Variants in STAG1 observed in about 807,000 individuals in gnomAD.
STAG1 encodes the protein STAG1 cohesin complex component.
In STAG1, 26 loss-of-function variants were observed where a neutral mutation model predicts 170.9. The observed-to-expected ratio is 0.15, with a 90% CI of 0.11 to 0.21. STAG1 has a LOEUF of 0.21. Ranked by LOEUF, STAG1 falls within the 10% of genes least tolerant of loss-of-function variation. The pLI is 1.00. For missense variants in STAG1, 964 were observed against 1,509.5 expected (o/e 0.64, Z 5.99); for synonymous variants, 514 against 497.7 (o/e 1.03, Z -0.44).
In STAG1 at chr3:136,363,482, A is replaced by G. The variant is rs533285816; in HGVS notation, c.2686-15T>C. ...TCATTGTAATACTGTGAGGGAAAGA[A>G]AGAAAACATGGCTTTAAAATTACTG... On this transcript the variant is annotated splice_polypyrimidine_tract_variant and intron_variant, in intron 25 of 33. Coordinates refer to ENST00000383202, the MANE Select transcript of STAG1 (RefSeq NM_005862.3). 6.6e-6 allele frequency: 8 copies of G among 1,209,224 alleles called. No homozygotes were observed. In the Admixed American group the frequency reaches 1.7e-4, roughly 26 times the overall value. 74.9% of individuals were successfully genotyped at this position (1,209,224 alleles called of 1,614,324 possible).
At chr3:136,595,617 T>C (rs1035205225) in intron 4 of STAG1, among the ~76,000 whole-genome samples, 1 of 151,202 alleles carries the variant, frequency 6.6e-6, no homozygotes, top group Non-Finnish European at 1.5e-5. Context: ...GTGGAGCTTG[T>C]AGTGAGCCGA....
At chr3:136,646,237 C>G (rs1941007307) in intron 1 of STAG1, among the ~76,000 whole-genome samples, 1 of 152,184 alleles carries the variant, frequency 6.6e-6, no homozygotes, top group Admixed American at 6.5e-5. Flanking sequence ...AATCCTCCTG[C>G]TTCCACCTCC....
At chr3:136,565,011 A>AGGCAGGC (rs1553746574) in intron 5 of STAG1, among the ~76,000 whole-genome samples, 5 of 45,424 alleles carry the variant, frequency 1.1e-4, no homozygotes, top group Non-Finnish European at 2.2e-4. Flanking sequence ...GGAAGGAAGG[A>AGGCAGGC]AGGCAGGCAG....
intron 4 of STAG1, among the ~76,000 whole-genome samples, chr3:136,603,244 T>C (rs1576655400): frequency 6.6e-6 from 1 of 151,874 alleles, no homozygotes; most frequent in Non-Finnish European, 1.5e-5. Context: ...CAGGCTGGAG[T>C]GCAGTGGCAC....
chr3:136,558,078 G>A (rs2107747456), intron 5 of STAG1, among the ~76,000 whole-genome samples: 1 of 152,234 alleles, frequency 6.6e-6, no homozygotes, highest in East Asian at 1.9e-4. Flanking sequence ...CATAACAAAG[G>A]AGATTAGTAT....
intron 1 of STAG1, among the ~76,000 whole-genome samples, chr3:136,740,726 C>T (rs1164538791): frequency 2.0e-5 from 3 of 152,130 alleles, no homozygotes; most frequent in Non-Finnish European, 2.9e-5. Context: ...AGTGATCGCC[C>T]GCCCCAGCCT....
chr3:136,731,460 G>A (rs1417907275), intron 1 of STAG1, among the ~76,000 whole-genome samples: 1 of 152,200 alleles, frequency 6.6e-6, no homozygotes, highest in African/African-American at 2.4e-5. Flanking sequence ...TCTTTAGGCA[G>A]GGTACCAATT....
At chr3:136,672,704 AACAC>A (rs970701891) in intron 1 of STAG1, among the ~76,000 whole-genome samples, 1 of 152,130 alleles carries the variant, frequency 6.6e-6, no homozygotes, top group Non-Finnish European at 1.5e-5. Flanking sequence ...TCCACCCCGC[AACAC>A]ACACACAGAG....
At chr3:136,565,259 A>G (rs971969543) in intron 5 of STAG1, among the ~76,000 whole-genome samples, 3 of 152,166 alleles carry the variant, frequency 2.0e-5, no homozygotes, top group African/African-American at 7.2e-5. Context: ...CAACCTAGAG[A>G]GCGGACAAAA....
intron 8 of STAG1, among the ~76,000 whole-genome samples, chr3:136,500,956 C>G (rs1933433291): frequency 6.6e-6 from 1 of 152,168 alleles, no homozygotes; most frequent in Admixed American, 6.6e-5. Context: ...GTGGTATCTA[C>G]TATTCTAATT....
intron 9 of STAG1, among the ~76,000 whole-genome samples, chr3:136,479,177 CCAA>C (rs2089852881): frequency 6.8e-6 from 1 of 146,822 alleles, no homozygotes; most frequent in Non-Finnish European, 1.5e-5. Context: ...GCTGCACCCA[CCAA>C]CGTGTCATCT....
At chr3:136,458,010 A>G (rs2089166942) in intron 13 of STAG1, among the ~76,000 whole-genome samples, 1 of 152,240 alleles carries the variant, frequency 6.6e-6, no homozygotes, top group Non-Finnish European at 1.5e-5. Flanking sequence ...CAAAATTTTT[A>G]AAATGTAAAT....
At chr3:136,596,974 C>G (rs1938454254) in intron 4 of STAG1, among the ~76,000 whole-genome samples, 1 of 152,120 alleles carries the variant, frequency 6.6e-6, no homozygotes, top group South Asian at 2.1e-4. Context: ...ACTTAGGAGG[C>G]TGAGGCACAA....
At chr3:136,550,655 T>C (rs72971415) in intron 5 of STAG1, among the ~76,000 whole-genome samples, 128 of 152,268 alleles carry the variant, frequency 8.4e-4, no homozygotes, top group African/African-American at 3.0e-3. Flanking sequence ...TGTATGTTTC[T>C]AGAAATTTAG....
At chr3:136,435,356 C>G (rs1469650536) in intron 15 of STAG1, among the ~76,000 whole-genome samples, 2 of 152,174 alleles carry the variant, frequency 1.3e-5, no homozygotes, top group African/African-American at 2.4e-5. Context: ...ATGCACTTAG[C>G]TAGCAGTAGA....
intron 2 of STAG1, among the ~76,000 whole-genome samples, chr3:136,628,287 T>G (rs1186529738): frequency 6.6e-6 from 1 of 152,218 alleles, no homozygotes; most frequent in African/African-American, 2.4e-5. Flanking sequence ...AAATCTCTTT[T>G]CTTCATAAAT....
chr3:136,451,576 A>T (rs1219943820), intron 14 of STAG1, among the ~76,000 whole-genome samples: 1 of 152,164 alleles, frequency 6.6e-6, no homozygotes, highest in Non-Finnish European at 1.5e-5. Context: ...CAGCCTGGCC[A>T]ACATGGTGAA....
intron 9 of STAG1, among the ~76,000 whole-genome samples, chr3:136,486,060 A>G (rs1376535589): frequency 6.6e-6 from 1 of 152,196 alleles, no homozygotes; most frequent in Non-Finnish European, 1.5e-5. Flanking sequence ...TTAGCACATT[A>G]TAAAATTGAT....
At chr3:136,589,096 G>A (rs1333009344) in intron 4 of STAG1, among the ~76,000 whole-genome samples, 1 of 151,868 alleles carries the variant, frequency 6.6e-6, no homozygotes. Context: ...TCACCACAAT[G>A]GTCAGACTGG....
Sources: gnomAD v4.1 joint callset for allele counts (sites outside exome capture counted in the v4.1 genomes callset) on GRCh38, gnomAD v4.1.1 for gene constraint, MANE v1.5 for transcripts, NCBI Gene and HGNC (gene_info 2026-07-23, HGNC 2026-07-21) for gene names.